ACOXL: variants seen among roughly 807,000 people sequenced by gnomAD.
The protein encoded by ACOXL is acyl-CoA oxidase like.
A neutral mutation model predicts 71.9 loss-of-function variants in ACOXL; 70 were observed. That is an observed-to-expected ratio of 0.97 (90% CI 0.80 to 1.19). ACOXL has a LOEUF of 1.19. Among genes scored for constraint, ACOXL ranks in the 50% most tolerant of loss-of-function variants. The pLI is 0.00. For synonymous variants in ACOXL, 253 were observed against 281.6 expected (o/e 0.90, Z 1.02); for missense variants, 703 against 736.3 (o/e 0.95, Z 0.52).
chr2:110,768,520 G>C (rs1237843598), intron 2 of ACOXL, 56 bp downstream of exon 2: 2 of 1,464,178 alleles, frequency 1.4e-6, no homozygotes, highest in African/African-American at 1.4e-5. Context: ...GTGTGAGAGA[G>C]AGAGAGAGAG....
chr2:110,828,197 C>T (rs917556319), intron 9 of ACOXL, among the ~76,000 whole-genome samples: 4 of 152,192 alleles, frequency 2.6e-5, no homozygotes, highest in African/African-American at 9.7e-5. Flanking sequence ...GTCTCAAATT[C>T]CTGAGCTCAA....
At chr2:110,951,274 G>T (rs1332357757) in intron 12 of ACOXL, among the ~76,000 whole-genome samples, 1 of 152,178 alleles carries the variant, frequency 6.6e-6, no homozygotes, top group Non-Finnish European at 1.5e-5. Context: ...TAGAAATGGA[G>T]TTTAATTTTG....
intron 10 of ACOXL, among the ~76,000 whole-genome samples, chr2:110,889,274 C>G (rs1697668882): frequency 6.6e-6 from 1 of 152,000 alleles, no homozygotes; most frequent in Non-Finnish European, 1.5e-5. Context: ...AGTGGAAATT[C>G]AAGAGCCCAT....
At chr2:110,968,788 A>AAAAAAC in intron 12 of ACOXL, 1 of 448,122 alleles carries the variant, frequency 2.2e-6, no homozygotes, top group Admixed American at 4.0e-5. Context: ...CAAAAAAAAA[A>AAAAAAC]AAAAAGAACT....
At chr2:110,993,135 TTTAG>T (rs2063247395) in intron 13 of ACOXL, among the ~76,000 whole-genome samples, 1 of 152,238 alleles carries the variant, frequency 6.6e-6, no homozygotes, top group Admixed American at 6.5e-5. Context: ...CAGTTACATA[TTTAG>T]TTATAGTTCT....
intron 10 of ACOXL, among the ~76,000 whole-genome samples, chr2:110,875,066 C>T (rs1033723600): frequency 2.6e-5 from 4 of 152,148 alleles, no homozygotes; most frequent in Non-Finnish European, 4.4e-5. Context: ...GGCTCCGCTC[C>T]GTAACCTGAA....
intron 17 of ACOXL, among the ~76,000 whole-genome samples, chr2:111,101,507 A>T (rs1456183277): frequency 6.6e-6 from 1 of 152,212 alleles, no homozygotes; most frequent in Non-Finnish European, 1.5e-5. Context: ...CAAGAGACAC[A>T]TTCAGACGCT....
At chr2:111,011,129 GA>G (rs1363396671) in intron 14 of ACOXL, among the ~76,000 whole-genome samples, 1 of 152,144 alleles carries the variant, frequency 6.6e-6, no homozygotes, top group Non-Finnish European at 1.5e-5. Context: ...ATATAAAAGT[GA>G]AATGTATGGC....
chr2:111,027,402 ACC>A (rs1330635275), intron 14 of ACOXL, among the ~76,000 whole-genome samples: 1 of 151,032 alleles, frequency 6.6e-6, no homozygotes, highest in Non-Finnish European at 1.5e-5. Context: ...GCTCACTACA[ACC>A]TCCACCTCCT....
intron 10 of ACOXL, among the ~76,000 whole-genome samples, chr2:110,889,905 G>A (rs906378682): frequency 1.3e-5 from 2 of 152,042 alleles, no homozygotes; most frequent in African/African-American, 4.8e-5. Flanking sequence ...TTTCAGTGTA[G>A]CTGCACCATT....
At chr2:110,763,092 T>C (rs1680610550) in intron 1 of ACOXL, among the ~76,000 whole-genome samples, 2 of 152,240 alleles carry the variant, frequency 1.3e-5, no homozygotes, top group African/African-American at 4.8e-5. Context: ...TGGGATATTC[T>C]ATGTTCATGG....
intron 11 of ACOXL, among the ~76,000 whole-genome samples, chr2:110,917,935 G>A (rs1297538126): frequency 4.6e-5 from 7 of 152,170 alleles, no homozygotes; most frequent in Admixed American, 4.6e-4. Context: ...AACATTCCAT[G>A]CTTATGTATA....
intron 10 of ACOXL, among the ~76,000 whole-genome samples, chr2:110,890,848 G>A (rs1697846972): frequency 6.6e-6 from 1 of 152,094 alleles, no homozygotes; most frequent in Non-Finnish European, 1.5e-5. Context: ...TCTGAAAAAT[G>A]AGGAAACTTG....
At chr2:110,763,166 A>G (rs4556988) in intron 1 of ACOXL, among the ~76,000 whole-genome samples, 18,322 of 152,274 alleles carry the variant, frequency 0.12, 1,435 homozygotes, top group Middle Eastern at 0.2. Flanking sequence ...AAGTTATTTC[A>G]TGGATATCAA....
intron 2 of ACOXL, among the ~76,000 whole-genome samples, chr2:110,777,423 G>A (rs1314044975): frequency 6.6e-6 from 1 of 152,220 alleles, no homozygotes; most frequent in African/African-American, 2.4e-5. Context: ...CATTTTACAA[G>A]TCAGGGGACT....
intron 2 of ACOXL, among the ~76,000 whole-genome samples, chr2:110,773,878 C>A (rs182804136): frequency 3.9e-5 from 6 of 152,298 alleles, no homozygotes; most frequent in Admixed American, 3.9e-4. Flanking sequence ...ACAGAAGTCC[C>A]TCTATGTAGA....
In ACOXL at chr2:111,074,553, T is replaced by A. The variant is rs528716443; in HGVS notation, c.1441-18312T>A. On this transcript the variant is annotated intron_variant, in intron 16 of 17. Transcript: ENST00000439055. ...CTGCATCAATTGATATGATTATGGT[T>A]TTTTTTTCTTTTTTAGGTTGTTAAT... Among the ~76,000 whole-genome samples, 5 of 152,132 alleles carry A rather than the reference T, an allele frequency of 3.3e-5. No individual in the cohort carries two copies. In the South Asian group the frequency reaches 1.0e-3, roughly 32 times the overall value.
At chr2:110,850,525 A>T (rs112435262) in intron 10 of ACOXL, among the ~76,000 whole-genome samples, 255 of 152,360 alleles carry the variant, frequency 1.7e-3, no homozygotes, top group Non-Finnish European at 2.9e-3. Context: ...CACCCTCATT[A>T]GTCATTAAGG....
chr2:110,948,653 G>C (rs1178014680), intron 12 of ACOXL, among the ~76,000 whole-genome samples: 1 of 135,816 alleles, frequency 7.4e-6, no homozygotes, highest in African/African-American at 2.8e-5. Flanking sequence ...TGTGAATGTA[G>C]ACAGCTAAGA....
Sources: allele counts gnomAD v4.1 joint callset (sites outside exome capture counted in the v4.1 genomes callset), GRCh38; gene constraint gnomAD v4.1.1; transcripts MANE v1.5; gene names NCBI Gene and HGNC (gene_info 2026-07-23, HGNC 2026-07-21).